RALGPS2: variants seen among roughly 807,000 people sequenced by gnomAD.
The protein encoded by RALGPS2 is Ral GEF with PH domain and SH3 binding motif 2.
Under a neutral mutation model 86.8 loss-of-function variants are expected in RALGPS2, and 43 were observed. The ratio of observed to expected loss-of-function variants is 0.50; its 90% CI spans 0.39 to 0.64. The LOEUF is 0.64. Ranked by LOEUF, RALGPS2 falls within the 30% of genes least tolerant of loss-of-function variation. RALGPS2 has a pLI of 0.00. For missense variants in RALGPS2, 536 were observed against 694.6 expected, an observed-to-expected ratio of 0.77 and a Z score of 2.57; for synonymous variants, 243 against 231.3, an observed-to-expected ratio of 1.05 and a Z score of -0.46.
At chr1:178,830,738 T>A (rs924105573) in intron 7 of RALGPS2, among the ~76,000 whole-genome samples, 2 of 151,920 alleles carry the variant, frequency 1.3e-5, no homozygotes, top group African/African-American at 4.8e-5. Flanking sequence ...ATGAAAAAAA[T>A]AATAATAAAT....
intron 10 of RALGPS2, among the ~76,000 whole-genome samples, chr1:178,880,835 A>AT (rs776766451): frequency 3.3e-5 from 5 of 152,224 alleles, no homozygotes; most frequent in Non-Finnish European, 5.9e-5. Context: ...TACAATATTT[A>AT]TTAAAGCTAG....
chr1:178,748,162 A>G (rs1209518673), intron 1 of RALGPS2, among the ~76,000 whole-genome samples: 1 of 152,010 alleles, frequency 6.6e-6, no homozygotes, highest in Non-Finnish European at 1.5e-5. Flanking sequence ...TCTGCTAAAA[A>G]TACAAAAATT....
intron 8 of RALGPS2, among the ~76,000 whole-genome samples, chr1:178,876,087 G>T (rs138531086): frequency 1.3e-5 from 2 of 152,278 alleles, no homozygotes; most frequent in Non-Finnish European, 2.9e-5. Flanking sequence ...TGAGTAAAAA[G>T]ATTGCCATGC....
At chr1:178,835,999 G>T (rs1407756425) in intron 8 of RALGPS2, among the ~76,000 whole-genome samples, 1 of 152,172 alleles carries the variant, frequency 6.6e-6, no homozygotes, top group South Asian at 2.1e-4. Flanking sequence ...GAATCCTTAT[G>T]CTGTGATTTC....
intron 8 of RALGPS2, among the ~76,000 whole-genome samples, chr1:178,846,635 T>C (rs531322971): frequency 2.6e-5 from 4 of 152,344 alleles, no homozygotes; most frequent in Admixed American, 2.6e-4. Context: ...GGGGTTGTGT[T>C]AATTTCATCC....
intron 4 of RALGPS2, among the ~76,000 whole-genome samples, chr1:178,788,841 CTTTCT>C (rs199644509): frequency 0.081 from 10,732 of 132,182 alleles, 439 homozygotes; most frequent in African/African-American, 0.11. Flanking sequence ...TTCTTTCTTT[CTTTCT>C]TTTCTTTTCT....
chr1:178,752,346 G>A (rs201123715), intron 1 of RALGPS2, among the ~76,000 whole-genome samples: 4 of 150,150 alleles, frequency 2.7e-5, no homozygotes, highest in East Asian at 2.0e-4. Context: ...GATTGGTGGC[G>A]GGGGGGAGGG....
chr1:178,758,220 T>G lies in RALGPS2; in HGVS notation c.-83-18462T>G, dbSNP rs150273893. On this transcript the variant is annotated intron_variant, in intron 1 of 19. Coordinates refer to ENST00000367635, the MANE Select transcript of RALGPS2 (RefSeq NM_152663.5). The stretch of plus-strand genomic sequence containing the variant: ...TGGTCTGTTAATCTCATATAACCTT[T>G]CAAAGAACCAACTTTTGGTTTCATT... Among the ~76,000 whole-genome samples the G allele has an allele frequency of 4.0e-3, 608 of 152,258 alleles. 5 individuals carry two copies. Among genetic ancestry groups the G allele is most frequent in the Non-Finnish European group, 4.8e-3 (328 of 68,010 alleles).
At chr1:178,845,113 A>C (rs143119022) in intron 8 of RALGPS2, among the ~76,000 whole-genome samples, 14 of 152,252 alleles carry the variant, frequency 9.2e-5, no homozygotes, top group South Asian at 4.1e-4. Context: ...AAAAAAAAAA[A>C]AAAACCATAT....
Position 178,910,531 on chromosome 1 carries a change from T to C in RALGPS2, c.1722+3664T>C, listed in dbSNP as rs372517493. Reference sequence around the variant, plus strand: ...CTTTTGAGATGATCATATGGTTTTCTGTTTTTAATTTTGTTTATGTGGTGA... The same window carrying C: ...CTTTTGAGATGATCATATGGTTTTCCGTTTTTAATTTTGTTTATGTGGTGA... On this transcript the variant is annotated intron_variant, in intron 19 of 19. Transcript: ENST00000367635. 1.1e-4 allele frequency among the ~76,000 whole-genome samples: 17 copies of C among 152,360 alleles called. No individual in the cohort carries two copies. In the South Asian group the frequency reaches 3.5e-3, roughly 32 times the overall value.
intron 15 of RALGPS2, among the ~76,000 whole-genome samples, chr1:178,893,132 A>G (rs1423160662): frequency 1.3e-5 from 2 of 152,092 alleles, no homozygotes; most frequent in African/African-American, 4.8e-5. Context: ...CACCAGTGAC[A>G]TTTTTGTCAG....
At chr1:178,732,550 T>C (rs1332230179) in intron 1 of RALGPS2, among the ~76,000 whole-genome samples, 1 of 152,076 alleles carries the variant, frequency 6.6e-6, no homozygotes, top group Non-Finnish European at 1.5e-5. Flanking sequence ...CTGCCCATCT[T>C]GGCCTCCCAA....
At chr1:178,788,968 G>A (rs1653825004) in intron 4 of RALGPS2, among the ~76,000 whole-genome samples, 1 of 149,952 alleles carries the variant, frequency 6.7e-6, no homozygotes, top group African/African-American at 2.5e-5. Flanking sequence ...ATGCAGTGGT[G>A]TGATCTCAAC....
chr1:178,747,125 T>C (rs1572280563), intron 1 of RALGPS2: 1 of 943,096 alleles, frequency 1.1e-6, no homozygotes, highest in South Asian at 1.3e-5. Context: ...AATGTTAATA[T>C]CATCTCCTTT....
intron 1 of RALGPS2, among the ~76,000 whole-genome samples, chr1:178,757,760 G>C (rs1652028744): frequency 6.6e-6 from 1 of 152,008 alleles, no homozygotes; most frequent in South Asian, 2.1e-4. Flanking sequence ...TACTTGTTTT[G>C]TTGTGTTTTT....
At chr1:178,875,179 G>T (rs1376583683) in intron 8 of RALGPS2, among the ~76,000 whole-genome samples, 1 of 152,184 alleles carries the variant, frequency 6.6e-6, no homozygotes, top group African/African-American at 2.4e-5. Flanking sequence ...CAGCTGTGCA[G>T]AGTTGTAAAA....
At chr1:178,744,934 T>C (rs1052992692) in intron 1 of RALGPS2, among the ~76,000 whole-genome samples, 1 of 152,040 alleles carries the variant, frequency 6.6e-6, no homozygotes, top group African/African-American at 2.4e-5. Context: ...ACTTGCAAAA[T>C]TTCTGGGACT....
chr1:178,771,129 G>T (rs750427078), intron 1 of RALGPS2, among the ~76,000 whole-genome samples: 2 of 152,088 alleles, frequency 1.3e-5, no homozygotes, highest in Non-Finnish European at 2.9e-5. Context: ...GTGAGCCACC[G>T]CACCCAGCCT....
intron 7 of RALGPS2, 127 bp downstream of exon 7, chr1:178,821,831 G>A (rs1655522051): frequency 1.3e-6 from 1 of 779,612 alleles, no homozygotes; most frequent in South Asian, 2.0e-5. Flanking sequence ...AAATTGCTTT[G>A]TACTCTATTC....
Sources: allele counts gnomAD v4.1 joint callset (sites outside exome capture counted in the v4.1 genomes callset), GRCh38; gene constraint gnomAD v4.1.1; transcripts MANE v1.5; gene names NCBI Gene and HGNC (gene_info 2026-07-23, HGNC 2026-07-21).